Variants in RBFOX1 observed in about 807,000 individuals in gnomAD.
RBFOX1 encodes RNA binding fox-1 homolog 1, also known as RNA binding protein fox-1 homolog 1.
Under a neutral mutation model 57.7 loss-of-function variants are expected in RBFOX1, and 8 were observed. The ratio of observed to expected loss-of-function variants is 0.14; its 90% confidence interval spans 0.08 to 0.25. The LOEUF is 0.25. Ranked by LOEUF, RBFOX1 falls within the 10% of genes least tolerant of loss-of-function variation. The pLI is 1.00. For synonymous variants in RBFOX1, 326 were observed against 222.4 expected (o/e 1.47, Z -4.15); for missense variants, 611 against 548.5 (o/e 1.11, Z -1.14).
intron 3 of RBFOX1, among the ~76,000 whole-genome samples, chr16:6,706,146 G>C (rs1419275650): frequency 6.6e-6 from 1 of 152,182 alleles, no homozygotes; most frequent in African/African-American, 2.4e-5. Flanking sequence ...TCTTTGTTGT[G>C]TCAGGGTTTG....
chr16:7,497,992 C>G (rs886735663), intron 4 of RBFOX1, among the ~76,000 whole-genome samples: 5 of 152,168 alleles, frequency 3.3e-5, no homozygotes, highest in Non-Finnish European at 5.9e-5. Flanking sequence ...AAGCTTTTAC[C>G]TCTCCTGTCC....
chr16:7,411,800 G>A (rs954962021), intron 4 of RBFOX1, among the ~76,000 whole-genome samples: 1 of 151,822 alleles, frequency 6.6e-6, no homozygotes, highest in African/African-American at 2.4e-5. Flanking sequence ...CTACGTGGGA[G>A]GCTGAGGCAG....
chr16:5,550,747 A>T (rs1312286460), intron 2 of RBFOX1, among the ~76,000 whole-genome samples: 1 of 152,158 alleles, frequency 6.6e-6, no homozygotes, highest in Non-Finnish European at 1.5e-5. Flanking sequence ...TATTTTTCTG[A>T]ATACGGACAT....
chr16:6,151,268 T>G (rs1015484349), intron 1 of RBFOX1, among the ~76,000 whole-genome samples: 26 of 152,164 alleles, frequency 1.7e-4, no homozygotes, highest in Non-Finnish European at 3.4e-4. Context: ...ATTGCATAAT[T>G]CCTGTTGCAT....
In RBFOX1 at chr16:6,438,664, G is replaced by T. The variant is rs184711353; in HGVS notation, c.-64+121607G>T. Among the ~76,000 whole-genome samples the T allele has an allele frequency of 1.2e-3, 184 of 152,250 alleles. 2 individuals carry two copies. Among genetic ancestry groups the T allele is most frequent in the Admixed American group, 0.012 (177 of 15,290 alleles). On this transcript the variant is annotated intron_variant, in intron 2 of 15. Coordinates refer to ENST00000550418, the MANE Select transcript of RBFOX1 (RefSeq NM_018723.4). ...TCTGAGTTGGGGTTGGCGTTGTTTG[G>T]TCACAGATGAGGAGGGCAAAGTCAA...
Position 7,053,227 on chromosome 16 carries a change from T to C in RBFOX1, c.27+1129T>C, listed in dbSNP as rs887670706. Among the ~76,000 whole-genome samples the C allele has an allele frequency of 3.3e-5, 5 of 152,246 alleles. No homozygotes were observed. The South Asian group carries it at 8.3e-4, about 25-fold the overall frequency. Reference sequence around the variant, plus strand: ...ATCCAGGTGCATGAAACCGAGAAAGTGAGACAAGGTTTTCTGTTTCTTTTA... The same window carrying C: ...ATCCAGGTGCATGAAACCGAGAAAGCGAGACAAGGTTTTCTGTTTCTTTTA... On this transcript the variant is annotated intron_variant, in intron 4 of 15. Coordinates refer to ENST00000550418, the MANE Select transcript of RBFOX1 (RefSeq NM_018723.4).
rs550205739 is a variant in RBFOX1 at position 5,523,987 on chromosome 16, G to A, written c.258+56733G>A. On this transcript the variant is annotated intron_variant, in intron 2 of 2. Transcript: ENST00000585867. ...CCTCCCGGCCCAGGACAAGACAAAT[G>A]GTCTTTAAACATACCACTCATTCAA... is the stretch of plus-strand genomic sequence containing the variant. Among the ~76,000 whole-genome samples the A allele has an allele frequency of 7.9e-5, 12 of 152,164 alleles. No individual in the cohort carries two copies. The South Asian group carries it at 2.3e-3, about 29-fold the overall frequency.
intron 2 of RBFOX1, among the ~76,000 whole-genome samples, chr16:6,556,992 C>CATACATAT (rs1567671302): frequency 2.1e-5 from 3 of 139,976 alleles, no homozygotes; most frequent in South Asian, 4.4e-4. Flanking sequence ...CGTATATATA[C>CATACATAT]ATACATATAT....
intron 1 of RBFOX1, among the ~76,000 whole-genome samples, chr16:5,336,293 C>T (rs2064893695): frequency 6.6e-6 from 1 of 152,122 alleles, no homozygotes; most frequent in African/African-American, 2.4e-5. Flanking sequence ...ACTTCCTTTG[C>T]TTGTAGTGGT....
chr16:6,261,854 C>G (rs1201166424), intron 1 of RBFOX1, among the ~76,000 whole-genome samples: 1 of 150,672 alleles, frequency 6.6e-6, no homozygotes, highest in Non-Finnish European at 1.5e-5. Flanking sequence ...AAAAACAAAA[C>G]AAAACAAAAA....
chr16:6,806,289 G>C (rs1009037916), intron 3 of RBFOX1, among the ~76,000 whole-genome samples: 1 of 152,102 alleles, frequency 6.6e-6, no homozygotes, highest in Non-Finnish European at 1.5e-5. Flanking sequence ...TCATTATAAA[G>C]CTTTGTAGTA....
At chr16:5,998,833 G>T (rs184243877) in intron 4 of RBFOX1, among the ~76,000 whole-genome samples, 1 of 152,118 alleles carries the variant, frequency 6.6e-6, no homozygotes, top group Non-Finnish European at 1.5e-5. Flanking sequence ...ATAAATTCAC[G>T]TGTCATATTG....
intron 4 of RBFOX1, among the ~76,000 whole-genome samples, chr16:7,303,816 C>T (rs2096094610): frequency 6.6e-6 from 1 of 151,252 alleles, no homozygotes; most frequent in South Asian, 2.1e-4. Context: ...CTCTCTCCCT[C>T]TCTACCTCCG....
chr16:6,395,731 G>T (rs1346026178), intron 2 of RBFOX1, among the ~76,000 whole-genome samples: 2 of 151,948 alleles, frequency 1.3e-5, no homozygotes, highest in African/African-American at 2.4e-5. Flanking sequence ...AATTAAATGT[G>T]CAATTTATTG....
chr16:7,234,861 G>A (rs1414000469), intron 4 of RBFOX1, among the ~76,000 whole-genome samples: 2 of 151,928 alleles, frequency 1.3e-5, no homozygotes, highest in Non-Finnish European at 2.9e-5. Flanking sequence ...GCATTTAATG[G>A]ATAACAATTT....
chr16:7,472,286 T>C (rs1262603009), intron 4 of RBFOX1, among the ~76,000 whole-genome samples: 2 of 150,330 alleles, frequency 1.3e-5, no homozygotes, highest in African/African-American at 5.0e-5. Context: ...TGTAAATACA[T>C]GGAGTACCAT....
In RBFOX1 at chr16:7,653,881, G is replaced by A; in HGVS notation, c.824G>A (p.Arg275His). ...AAYRGAHLRG[R>H]GRTVYNTFRA... ...TACCGAGGGGCGCACCTGCGAGGCC[G>A]CGGTCGCACCGTGTACAACACCTTC... Residue 275 changes from arginine to histidine, a missense_variant, in exon 12 of 16, where the codon CGC becomes CAC. This residue lies in a region of RBFOX1 where 267 missense variants were observed against 229.1 expected (regional missense o/e 1.17). Transcript: ENST00000550418. The A allele has an allele frequency of 6.2e-7, 1 of 1,602,426 alleles. No individual in the cohort carries two copies. The highest frequency in any genetic ancestry group is 8.5e-7 in the Non-Finnish European group (1 of 1,178,968).
intron 3 of RBFOX1, among the ~76,000 whole-genome samples, chr16:6,702,812 A>C (rs1012653253): frequency 6.6e-6 from 1 of 152,202 alleles, no homozygotes; most frequent in Non-Finnish European, 1.5e-5. Context: ...TTAAATGTAG[A>C]GTTCAGTGGC....
chr16:5,620,503 T>G (rs2048170949), intron 3 of RBFOX1, among the ~76,000 whole-genome samples: 1 of 152,192 alleles, frequency 6.6e-6, no homozygotes, highest in Non-Finnish European at 1.5e-5. Context: ...GCCAGAAACC[T>G]GAGGTCAGTG....
Sources: allele counts gnomAD v4.1 joint callset (sites outside exome capture counted in the v4.1 genomes callset), GRCh38; gene constraint gnomAD v4.1.1; regional missense constraint gnomAD v4.1.1; transcripts MANE v1.5; gene names NCBI Gene and HGNC (gene_info 2026-07-23, HGNC 2026-07-21).